The following GABRB1 variants were observed in gnomAD, a reference collection of about 807,000 sequenced individuals.
GABRB1 encodes gamma-aminobutyric acid receptor subunit beta-1.
A neutral mutation model predicts 51.6 loss-of-function variants in GABRB1; 17 were observed. The observed-to-expected ratio is 0.33, with a 90% CI of 0.23 to 0.49. GABRB1 has a LOEUF of 0.49. Ranked by LOEUF, GABRB1 falls within the 20% of genes least tolerant of loss-of-function variation. GABRB1 has a pLI of 0.99. For synonymous variants in GABRB1, 247 were observed against 218.9 expected (o/e 1.13, Z -1.14); for missense variants, 410 against 600.6 (o/e 0.68, Z 3.32).
At position 47,320,115 on chromosome 4, in the gene GABRB1, C is replaced by T; in HGVS notation, c.462-12C>T. ...TTGTAATGTTTTCTTTTTTCTCTCT[C>T]CTCTCTATCAGAATCACAACCACAG... On this transcript the variant is annotated splice_polypyrimidine_tract_variant and intron_variant, in intron 4 of 8. Coordinates refer to ENST00000295454, the MANE Select transcript of GABRB1 (RefSeq NM_000812.4). 4 of 1,545,628 alleles carry T rather than the reference C, an allele frequency of 2.6e-6. No homozygotes were observed. Among genetic ancestry groups the T allele is most frequent in the Non-Finnish European group, 3.6e-6 (4 of 1,117,542 alleles).
rs558124287 is a variant in GABRB1 at position 47,005,997 on chromosome 4, C to CT, written c.-20+12081dup. Among the ~76,000 whole-genome samples the CT allele has an allele frequency of 4.7e-3, 674 of 142,978 alleles. 4 individuals carry two copies. Among genetic ancestry groups the CT allele is most frequent in the South Asian group, 0.03 (135 of 4,432 alleles). The allele number at this position is 142,978 out of a possible 152,430, so 93.8% of individuals were successfully genotyped here. A position where few individuals can be genotyped will look rare whatever the true frequency, so the allele number is the denominator to read the frequency against. On this transcript the variant is annotated intron_variant, in intron 1 of 3. Coordinates refer to the GABRB1 transcript ENST00000513567. ...CTGATTTGAGGAGGCTTTTGTTATT[C>CT]TTTTTTTTTTCACATCTTCTAATAA... is the stretch of plus-strand genomic sequence containing the variant.
intron 3 of GABRB1, among the ~76,000 whole-genome samples, chr4:47,066,802 C>T (rs938717229): frequency 1.3e-5 from 2 of 152,108 alleles, no homozygotes; most frequent in East Asian, 3.9e-4. Flanking sequence ...TTCTAAACTC[C>T]TGTTACTGTT....
intron 1 of GABRB1, among the ~76,000 whole-genome samples, chr4:47,004,059 G>C (rs556680214): frequency 1.6e-4 from 24 of 152,054 alleles, no homozygotes; most frequent in African/African-American, 4.6e-4. Flanking sequence ...GTGCCATCTC[G>C]GCTCATGCAA....
intron 5 of GABRB1, among the ~76,000 whole-genome samples, chr4:47,373,580 G>T (rs947038217): frequency 6.6e-6 from 1 of 152,104 alleles, no homozygotes; most frequent in Non-Finnish European, 1.5e-5. Flanking sequence ...TGTGTTGTGT[G>T]GTCTTAAAGA....
Position 47,179,974 on chromosome 4 carries a change from G to A in GABRB1, c.461+18505G>A, listed in dbSNP as rs567823774. ...AAGATTATGCTATTTAGGAGGCTGA[G>A]GCAGTAGAATTGCTTGAGCACATGA... On this transcript the variant is annotated intron_variant, in intron 4 of 8. Coordinates refer to ENST00000295454, the MANE Select transcript of GABRB1 (RefSeq NM_000812.4). Among the ~76,000 whole-genome samples, 170 of 152,226 alleles carry A rather than the reference G, an allele frequency of 1.1e-3. 3 individuals carry two copies. The South Asian group carries it at 0.034, about 30-fold the overall frequency.
At chr4:47,280,038 G>A (rs1312516480) in intron 4 of GABRB1, among the ~76,000 whole-genome samples, 1 of 151,650 alleles carries the variant, frequency 6.6e-6, no homozygotes. Context: ...TTTGTTAATT[G>A]TTTCTGGTTA....
At chr4:47,315,127 G>A (rs1361783662) in intron 4 of GABRB1, among the ~76,000 whole-genome samples, 1 of 151,908 alleles carries the variant, frequency 6.6e-6, no homozygotes, top group Non-Finnish European at 1.5e-5. Flanking sequence ...GAAAAATTTT[G>A]CAAACTACAC....
Position 47,218,804 on chromosome 4 carries a change from T to C in GABRB1, c.461+57335T>C, listed in dbSNP as rs901643623. 9.2e-5 allele frequency among the ~76,000 whole-genome samples: 14 copies of C among 151,928 alleles called. 1 individual carries two copies. The highest frequency in any genetic ancestry group is 7.2e-4 in the Admixed American group (11 of 15,204). ...TTCAAAGTTCATGAGTGATAAACAA[T>C]GAAACAGTGCTCCACCATCTAATGC... On this transcript the variant is annotated intron_variant, in intron 4 of 8. Transcript: ENST00000295454.
chr4:47,328,598 T>C (rs988140871), intron 5 of GABRB1, among the ~76,000 whole-genome samples: 17 of 152,154 alleles, frequency 1.1e-4, no homozygotes, highest in Non-Finnish European at 2.9e-5. Context: ...TAAAAAATGA[T>C]GAGTTCATAT....
At chr4:47,095,068 G>C (rs1183319052) in intron 3 of GABRB1, among the ~76,000 whole-genome samples, 1 of 151,928 alleles carries the variant, frequency 6.6e-6, no homozygotes, top group African/African-American at 2.4e-5. Flanking sequence ...ATGAAGATTT[G>C]GTAAGGAATA....
At chr4:47,405,767 A>C (rs1401972920) in intron 7 of GABRB1, among the ~76,000 whole-genome samples, 1 of 152,212 alleles carries the variant, frequency 6.6e-6, no homozygotes, top group Non-Finnish European at 1.5e-5. Context: ...ACAAATATCT[A>C]CACTAGATTC....
chr4:47,397,186 A>AGTTAGAAAGGCC (rs1191591209), intron 5 of GABRB1, among the ~76,000 whole-genome samples: 1 of 152,188 alleles, frequency 6.6e-6, no homozygotes, highest in African/African-American at 2.4e-5. Flanking sequence ...TATTTGTTAG[A>AGTTAGAAAGGCC]GTTAGAAAGG....
At chr4:47,297,996 AT>A (rs1322937554) in intron 4 of GABRB1, among the ~76,000 whole-genome samples, 11 of 152,218 alleles carry the variant, frequency 7.2e-5, no homozygotes, top group Admixed American at 2.0e-4. Context: ...AAACTACATG[AT>A]TATCTCAATA....
At chr4:47,188,544 C>A (rs1719289144) in intron 4 of GABRB1, among the ~76,000 whole-genome samples, 1 of 151,814 alleles carries the variant, frequency 6.6e-6, no homozygotes, top group Non-Finnish European at 1.5e-5. Context: ...TATAAAAACA[C>A]ATTGTTACTC....
intron 1 of GABRB1, among the ~76,000 whole-genome samples, chr4:47,020,089 T>C (rs1350790763): frequency 6.6e-6 from 1 of 151,892 alleles, no homozygotes; most frequent in Non-Finnish European, 1.5e-5. Flanking sequence ...CCCAGCCAAT[T>C]TGGTTCCTCT....
At chr4:47,047,097 A>G (rs1726127746) in intron 3 of GABRB1, among the ~76,000 whole-genome samples, 1 of 152,140 alleles carries the variant, frequency 6.6e-6, no homozygotes, top group Non-Finnish European at 1.5e-5. Flanking sequence ...CCCTGGACAC[A>G]AGTTTAGCTG....
intron 3 of GABRB1, among the ~76,000 whole-genome samples, chr4:47,099,004 C>T (rs1714599041): frequency 6.6e-6 from 1 of 151,702 alleles, no homozygotes; most frequent in Admixed American, 6.6e-5. Context: ...AATGATTTTC[C>T]CTTCATTAGC....
intron 5 of GABRB1, among the ~76,000 whole-genome samples, chr4:47,387,574 T>C (rs1253062606): frequency 3.3e-5 from 5 of 152,214 alleles, no homozygotes; most frequent in African/African-American, 7.2e-5. Flanking sequence ...TTAGTTCTTA[T>C]GTGTGAGTCC....
intron 3 of GABRB1, among the ~76,000 whole-genome samples, chr4:47,074,648 C>A (rs1234447353): frequency 1.3e-5 from 2 of 152,068 alleles, no homozygotes; most frequent in Non-Finnish European, 2.9e-5. Flanking sequence ...CTAGGACATG[C>A]ACAACATGCT....
Sources: allele counts gnomAD v4.1 joint callset (sites outside exome capture counted in the v4.1 genomes callset), GRCh38; gene constraint gnomAD v4.1.1; transcripts MANE v1.5; gene names NCBI Gene and HGNC (gene_info 2026-07-23, HGNC 2026-07-21).